The following RNF216 variants were observed in gnomAD, a reference collection of about 807,000 sequenced individuals.
RNF216 encodes E3 ubiquitin-protein ligase RNF216.
A neutral mutation model predicts 110.8 loss-of-function variants in RNF216; 72 were observed. The ratio of observed to expected loss-of-function variants is 0.65; its 90% CI spans 0.54 to 0.79. The LOEUF is 0.79. RNF216 is among the 30% of genes least tolerant of loss of function. RNF216 has a pLI of 0.00. For synonymous variants in RNF216, 495 were observed against 407.5 expected (o/e 1.21, Z -2.59); for missense variants, 1,342 against 1,141.2 (o/e 1.18, Z -2.54).
intron 13 of RNF216, among the ~76,000 whole-genome samples, chr7:5,662,049 C>G (rs1469223015): frequency 6.6e-6 from 1 of 152,208 alleles, no homozygotes; most frequent in African/African-American, 2.4e-5. Context: ...GAGAAGACCA[C>G]AGAGGAACAA....
At chr7:5,634,950 G>C (rs1302998065) in intron 15 of RNF216, among the ~76,000 whole-genome samples, 3 of 152,050 alleles carry the variant, frequency 2.0e-5, no homozygotes, top group African/African-American at 4.8e-5. Context: ...AAAGAGTCTG[G>C]CGAGGTCCCC....
At chr7:5,720,325 T>C (rs992495518) in intron 9 of RNF216, among the ~76,000 whole-genome samples, 1 of 152,230 alleles carries the variant, frequency 6.6e-6, no homozygotes, top group African/African-American at 2.4e-5. Context: ...CTCATGCTGA[T>C]CCACACTTCC....
chr7:5,682,286 C>T (rs766937619), intron 13 of RNF216, among the ~76,000 whole-genome samples: 21 of 152,192 alleles, frequency 1.4e-4, no homozygotes, highest in Non-Finnish European at 2.5e-4. Context: ...TCAGAGGCTA[C>T]TTGACCAGGT....
chr7:5,759,769 C>G (rs924954555), intron 2 of RNF216, among the ~76,000 whole-genome samples: 1 of 151,596 alleles, frequency 6.6e-6, no homozygotes, highest in African/African-American at 2.4e-5. Flanking sequence ...GTAGCTGGGA[C>G]TACAGGCATG....
At chr7:5,772,807 C>T (rs962937415) in intron 1 of RNF216, among the ~76,000 whole-genome samples, 4 of 128,636 alleles carry the variant, frequency 3.1e-5, no homozygotes, top group Admixed American at 9.0e-5. Context: ...GACAGAGTTT[C>T]GCTCTTGTCA....
intron 13 of RNF216, among the ~76,000 whole-genome samples, chr7:5,653,042 C>T (rs751799115): frequency 6.6e-6 from 1 of 152,134 alleles, no homozygotes; most frequent in Non-Finnish European, 1.5e-5. Context: ...TTAATCTCTG[C>T]AAAATCCCTG....
At chr7:5,756,388 A>G (rs933745582) in intron 2 of RNF216, among the ~76,000 whole-genome samples, 30 of 152,190 alleles carry the variant, frequency 2.0e-4, no homozygotes, top group African/African-American at 7.0e-4. Context: ...GAATAGTTGC[A>G]ACAGAAACCA....
intron 13 of RNF216, 60 bp downstream of exon 13, chr7:5,711,701 T>A: frequency 7.2e-7 from 1 of 1,393,098 alleles, no homozygotes; most frequent in Non-Finnish European, 1.0e-6. Flanking sequence ...ATTTGGGCCA[T>A]GAGGGCAGCC....
chr7:5,700,525 G>A (rs982497657), intron 13 of RNF216, among the ~76,000 whole-genome samples: 5 of 152,180 alleles, frequency 3.3e-5, no homozygotes, highest in African/African-American at 1.2e-4. Context: ...AATAGGTGGT[G>A]TGTGGTTTCT....
intron 13 of RNF216, among the ~76,000 whole-genome samples, chr7:5,670,081 C>T (rs1211576434): frequency 6.6e-6 from 1 of 152,070 alleles, no homozygotes; most frequent in African/African-American, 2.4e-5. Context: ...CACGCACCAC[C>T]ATGCCCAGCT....
At position 5,655,836 on chromosome 7, in the gene RNF216, C is replaced by T. The variant is rs571672862; in HGVS notation, c.2062-3326G>A. Among the ~76,000 whole-genome samples, 15 of 151,886 alleles carry T rather than the reference C, an allele frequency of 9.9e-5. No homozygotes were observed. In the South Asian group the frequency reaches 2.9e-3, roughly 29 times the overall value. ...TGCTCCTAAACTCAGCAAATGCTTA[C>T]GCATATTACGAAGAAACGCTCTTGA... On this transcript the variant is annotated intron_variant, in intron 13 of 16. Transcript: ENST00000389902.
At chr7:5,720,437 C>T (rs930514295) in intron 9 of RNF216, among the ~76,000 whole-genome samples, 1 of 152,072 alleles carries the variant, frequency 6.6e-6, no homozygotes, top group South Asian at 2.1e-4. Flanking sequence ...CAAAACATAC[C>T]AAACGTGCTC....
chr7:5,773,308 T>C (rs542257231), intron 1 of RNF216, among the ~76,000 whole-genome samples: 1 of 151,684 alleles, frequency 6.6e-6, no homozygotes, highest in African/African-American at 2.4e-5. Flanking sequence ...AGTGGTGCAA[T>C]CTCAGCTCAC....
intron 10 of RNF216, among the ~76,000 whole-genome samples, chr7:5,715,529 G>C (rs991835895): frequency 6.6e-6 from 1 of 152,096 alleles, no homozygotes; most frequent in African/African-American, 2.4e-5. Flanking sequence ...TAAACAGCAA[G>C]GATAAGGAGT....
In RNF216 at chr7:5,703,574, A is replaced by C. The variant is rs79503824; in HGVS notation, c.2061+8187T>G. On this transcript the variant is annotated intron_variant, in intron 13 of 16. Transcript: ENST00000389902. ...TAAAGTTAAAAACAGCAAATGCTAC[A>C]AAGAATAGGATGGGAACCTAGAAAG... Among the ~76,000 whole-genome samples, 571 of 152,348 alleles carry C rather than the reference A, an allele frequency of 3.7e-3. 3 individuals carry two copies. Among genetic ancestry groups the C allele is most frequent in the African/African-American group, 0.013 (552 of 41,572 alleles).
chr7:5,737,578 T>C (rs1242714422), intron 5 of RNF216, among the ~76,000 whole-genome samples: 1 of 151,830 alleles, frequency 6.6e-6, no homozygotes, highest in Non-Finnish European at 1.5e-5. Context: ...ATGACAGTGG[T>C]TGCCTCTGTA....
chr7:5,729,679 T>G, intron 6 of RNF216, 83 bp from the exon 7 acceptor site: 1 of 1,136,130 alleles, frequency 8.8e-7, no homozygotes, highest in Non-Finnish European at 1.3e-6. Flanking sequence ...ATTACATGTG[T>G]AGAAAAGAAT....
Position 5,641,396 on chromosome 7 carries a change from T to C in RNF216, c.2160-20A>G, listed in dbSNP as rs768079365. 1 of 1,601,358 alleles carries C rather than the reference T, an allele frequency of 6.2e-7. No individual in the cohort carries two copies. The highest frequency in any genetic ancestry group is 8.5e-7 in the Non-Finnish European group (1 of 1,169,632). On this transcript the variant is annotated intron_variant, in intron 14 of 16. Transcript: ENST00000389902. ...TCTTCACTGAAATAAGAAAACATAA[T>C]TTGGAGCTGGGAGGGAAGATGAGGA...
At chr7:5,698,488 C>T (rs1396644853) in intron 13 of RNF216, among the ~76,000 whole-genome samples, 1 of 152,040 alleles carries the variant, frequency 6.6e-6, no homozygotes, top group African/African-American at 2.4e-5. Context: ...CTTCTGGGCT[C>T]AGGTGATCTT....
Sources: gnomAD v4.1 joint callset for allele counts (sites outside exome capture counted in the v4.1 genomes callset) on GRCh38, gnomAD v4.1.1 for gene constraint, MANE v1.5 for transcripts, NCBI Gene and HGNC (gene_info 2026-07-23, HGNC 2026-07-21) for gene names.